Variants in OLFM3 observed in about 807,000 individuals in gnomAD.
The protein encoded by OLFM3 is noelin-3.
Under a neutral mutation model 48.6 loss-of-function variants are expected in OLFM3, and 20 were observed. The observed-to-expected ratio is 0.41, with a 90% CI of 0.29 to 0.60. The LOEUF is 0.60. Among genes scored for constraint, OLFM3 ranks in the 20% least tolerant of loss-of-function variants. The probability of loss-of-function intolerance (pLI) is 0.28; values close to 1 mark genes in which losing one functional copy is unlikely to be tolerated. For synonymous variants in OLFM3, 222 were observed against 198.1 expected, an observed-to-expected ratio of 1.12 and a Z score of -1.01; for missense variants, 437 against 544.3, an observed-to-expected ratio of 0.80 and a Z score of 1.96.
chr1:101,817,431 A>C (rs914172814), intron 4 of OLFM3, among the ~76,000 whole-genome samples: 1 of 152,174 alleles, frequency 6.6e-6, no homozygotes, highest in African/African-American at 2.4e-5. Flanking sequence ...TAATTGAAGA[A>C]AGTGACCGTG....
chr1:101,944,409 C>G (rs1186502978), intron 1 of OLFM3, among the ~76,000 whole-genome samples: 1 of 152,008 alleles, frequency 6.6e-6, no homozygotes, highest in East Asian at 1.9e-4. Flanking sequence ...AAGGAAAGAG[C>G]CAGAGACAAA....
intron 1 of OLFM3, among the ~76,000 whole-genome samples, chr1:101,970,393 T>TG (rs1406379109): frequency 6.6e-6 from 1 of 152,208 alleles, no homozygotes; most frequent in Non-Finnish European, 1.5e-5. Context: ...AAGTAGAGAA[T>TG]GGGGAAAAGT....
chr1:101,911,364 G>A (rs561527201), intron 1 of OLFM3, among the ~76,000 whole-genome samples: 1 of 152,274 alleles, frequency 6.6e-6, no homozygotes, highest in Admixed American at 6.5e-5. Context: ...TTTAGACTCT[G>A]AGTTGAGGCC....
In OLFM3 at chr1:101,850,145, C is replaced by A. The variant is rs1656166373; in HGVS notation, c.70-13120G>T. ...TATACAGTCCTTCAAAATAACAAAC[C>A]AAAATCTATCACTAGTAAATAGTGA... On this transcript the variant is annotated intron_variant, in intron 1 of 5. Transcript: ENST00000370103. Among the ~76,000 whole-genome samples the A allele has an allele frequency of 3.9e-5, 4 of 103,574 alleles. No homozygotes were observed. The South Asian group carries it at 7.5e-4, about 19-fold the overall frequency. 67.9% of individuals were successfully genotyped at this position (103,574 alleles called of 152,430 possible).
rs535755718 is a variant in OLFM3 at position 101,928,493 on chromosome 1, C to T, written c.69+68255G>A. 6.6e-5 allele frequency among the ~76,000 whole-genome samples: 10 copies of T among 152,266 alleles called. No homozygotes were observed. In the South Asian group the frequency reaches 1.2e-3, roughly 19 times the overall value. On this transcript the variant is annotated intron_variant, in intron 1 of 5. Coordinates refer to ENST00000370103, the MANE Select transcript of OLFM3 (RefSeq NM_058170.4). ...TTTACTGGCAGTCTACCCAGTAACA[C>T]TAGCACAGAATTCATATTTCCTTTT...
intron 1 of OLFM3, among the ~76,000 whole-genome samples, chr1:101,876,506 A>G (rs1182713452): frequency 1.3e-5 from 2 of 152,018 alleles, no homozygotes; most frequent in East Asian, 3.9e-4. Context: ...TCTTACATTC[A>G]GAAATTTAGG....
At chr1:101,922,600 G>A (rs72731611) in intron 1 of OLFM3, among the ~76,000 whole-genome samples, 13,366 of 152,144 alleles carry the variant, frequency 0.088, 828 homozygotes, top group Middle Eastern at 0.16. Context: ...TATGGATTAA[G>A]CCATTTAGAA....
At chr1:101,890,833 G>A (rs1255064574) in intron 1 of OLFM3, among the ~76,000 whole-genome samples, 1 of 151,860 alleles carries the variant, frequency 6.6e-6, no homozygotes, top group Non-Finnish European at 1.5e-5. Context: ...GAAATAATTT[G>A]GGAAGATTTG....
At chr1:101,846,164 G>C (rs1240371294) in intron 1 of OLFM3, among the ~76,000 whole-genome samples, 1 of 152,218 alleles carries the variant, frequency 6.6e-6, no homozygotes, top group East Asian at 1.9e-4. Context: ...TAGAAAGTAG[G>C]GAGGATTAAA....
In OLFM3 at chr1:101,991,016, AAT is replaced by A. The variant is rs1215588189; in HGVS notation, c.69+5730_69+5731del. 4.9e-3 allele frequency among the ~76,000 whole-genome samples: 159 copies of A among 32,210 alleles called. 1 individual carries two copies. The highest frequency in any genetic ancestry group is 0.013 in the South Asian group (9 of 686). 21.1% of individuals were successfully genotyped at this position (32,210 alleles called of 152,430 possible). A position where few individuals can be genotyped will look rare whatever the true frequency, so the allele number is the denominator to read the frequency against. ...AAAAAAAAAAAAAAAAAAAAAAAAA[AAT>A]ATATATATATATATATATATATACT... On this transcript the variant is annotated intron_variant, in intron 1 of 5. Transcript: ENST00000370103.
At chr1:101,922,080 T>A (rs909663702) in intron 1 of OLFM3, among the ~76,000 whole-genome samples, 2 of 151,898 alleles carry the variant, frequency 1.3e-5, no homozygotes, top group African/African-American at 4.8e-5. Context: ...GGAACCTGCC[T>A]AAAATTGTAC....
intron 1 of OLFM3, among the ~76,000 whole-genome samples, chr1:101,875,364 G>A (rs1159840490): frequency 2.6e-5 from 4 of 151,860 alleles, no homozygotes; most frequent in African/African-American, 4.8e-5. Flanking sequence ...TTAATTTTTA[G>A]TTAGTGTTAA....
chr1:101,835,262 A>G (rs561969143), intron 2 of OLFM3, among the ~76,000 whole-genome samples: 188 of 152,206 alleles, frequency 1.2e-3, no homozygotes, highest in Non-Finnish European at 2.3e-3. Flanking sequence ...TTTCCCTGGT[A>G]AACAAACAAA....
chr1:101,976,658 A>G (rs1341481463), intron 1 of OLFM3, among the ~76,000 whole-genome samples: 1 of 152,158 alleles, frequency 6.6e-6, no homozygotes, highest in Non-Finnish European at 1.5e-5. Flanking sequence ...AGGCTTGTAG[A>G]AGTTTATAAT....
At chr1:101,943,173 G>A (rs1183127271) in intron 1 of OLFM3, among the ~76,000 whole-genome samples, 1 of 152,138 alleles carries the variant, frequency 6.6e-6, no homozygotes, top group Non-Finnish European at 1.5e-5. Flanking sequence ...CATAAAAATT[G>A]ACATTTAGTA....
intron 4 of OLFM3, among the ~76,000 whole-genome samples, chr1:101,806,826 T>A (rs1653799625): frequency 6.6e-6 from 1 of 151,756 alleles, no homozygotes; most frequent in Admixed American, 6.6e-5. Flanking sequence ...CTTCAGACCC[T>A]GAAGTCACAT....
At chr1:101,867,571 A>C (rs754959841) in intron 1 of OLFM3, among the ~76,000 whole-genome samples, 2 of 152,158 alleles carry the variant, frequency 1.3e-5, no homozygotes, top group Non-Finnish European at 2.9e-5. Flanking sequence ...GGCAGGGTGA[A>C]TTTCATGATT....
Position 101,901,815 on chromosome 1 carries a change from A to G in OLFM3, c.70-64790T>C, listed in dbSNP as rs184059486. On this transcript the variant is annotated intron_variant, in intron 1 of 5. Transcript: ENST00000370103. ...TCAATAGAAACAGGAGAGTCAGTGG[A>G]AAAGTAATAGGTATAATAAATTGAT... Among the ~76,000 whole-genome samples, 1,255 of 152,204 alleles carry G rather than the reference A, an allele frequency of 8.2e-3. 20 individuals carry two copies. Among genetic ancestry groups the G allele is most frequent in the African/African-American group, 0.028 (1,165 of 41,562 alleles).
At chr1:101,996,609 A>G (rs1661565814) in intron 1 of OLFM3, 139 bp downstream of exon 1, 2 of 799,350 alleles carry the variant, frequency 2.5e-6, no homozygotes, top group East Asian at 2.6e-5. Flanking sequence ...TGTTCCAAGC[A>G]GTGGGGATAC....
Sources: gnomAD v4.1 joint callset for allele counts (sites outside exome capture counted in the v4.1 genomes callset) on GRCh38, gnomAD v4.1.1 for gene constraint, MANE v1.5 for transcripts, NCBI Gene and HGNC (gene_info 2026-07-23, HGNC 2026-07-21) for gene names.